CHST10: variants seen among roughly 807,000 people sequenced by gnomAD.
CHST10 encodes the protein HNK-1 sulfotransferase.
In CHST10, 24 loss-of-function variants were observed where a neutral mutation model predicts 34.7. That is an observed-to-expected ratio of 0.69 (90% CI 0.50 to 0.97). The LOEUF (loss-of-function observed/expected upper bound fraction) is 0.97. Among genes scored for constraint, CHST10 ranks in the 50% least tolerant of loss-of-function variants. The pLI is 0.00. For synonymous variants in CHST10, 161 were observed against 169.3 expected (o/e 0.95, Z 0.38); for missense variants, 402 against 452.1 (o/e 0.89, Z 1.00).
intron 3 of CHST10, among the ~76,000 whole-genome samples, chr2:100,406,189 C>G (rs1675564821): frequency 6.6e-6 from 1 of 152,152 alleles, no homozygotes; most frequent in Non-Finnish European, 1.5e-5. Flanking sequence ...GCATGCCAAG[C>G]AGTTGAGGCT....
intron 5 of CHST10, among the ~76,000 whole-genome samples, chr2:100,397,265 T>C (rs1405189450): frequency 6.6e-6 from 1 of 152,268 alleles, no homozygotes; most frequent in Non-Finnish European, 1.5e-5. Flanking sequence ...AAAAGAGTAG[T>C]GAGTAATCAA....
At chr2:100,401,296 C>T (rs17024209) in intron 4 of CHST10, among the ~76,000 whole-genome samples, 19,593 of 152,154 alleles carry the variant, frequency 0.13, 3,399 homozygotes, top group African/African-American at 0.39. Flanking sequence ...AAAAATATAC[C>T]TCAGAGGGCG....
intron 6 of CHST10, among the ~76,000 whole-genome samples, chr2:100,394,233 A>G (rs1377386016): frequency 6.8e-6 from 1 of 146,614 alleles, no homozygotes; most frequent in Non-Finnish European, 1.5e-5. Flanking sequence ...TTGCCAGGGG[A>G]AGGGGGGCAA....
At chr2:100,416,659 C>G (rs1009124476) in intron 1 of CHST10, 2 of 314,914 alleles carry the variant, frequency 6.4e-6, no homozygotes, top group Non-Finnish European at 1.3e-5. Context: ...TCCTCATGGC[C>G]CAAAGCCCCA....
At chr2:100,414,052 T>C (rs1022963276) in intron 2 of CHST10, among the ~76,000 whole-genome samples, 46 of 152,094 alleles carry the variant, frequency 3.0e-4, no homozygotes, top group Non-Finnish European at 2.9e-5. Context: ...TCAATGTATA[T>C]GATCAAGCCA....
At chr2:100,407,499 T>C (rs1357222103) in intron 2 of CHST10, among the ~76,000 whole-genome samples, 1 of 152,190 alleles carries the variant, frequency 6.6e-6, no homozygotes, top group Non-Finnish European at 1.5e-5. Flanking sequence ...GACAAGACCC[T>C]GGGCTGAGCT....
intron 6 of CHST10, 98 bp downstream of exon 6, chr2:100,395,411 T>A: frequency 9.6e-7 from 1 of 1,041,750 alleles, no homozygotes; most frequent in Non-Finnish European, 1.4e-6. Flanking sequence ...GGTCCTCCGA[T>A]CAATCTGCCA....
At chr2:100,408,213 T>G (rs1454913027) in intron 2 of CHST10, 1 of 152,148 alleles carries the variant, frequency 6.6e-6, no homozygotes, top group Non-Finnish European at 1.5e-5. Flanking sequence ...TTTTCTGAAC[T>G]TCACATTTAA....
chr2:100,406,255 C>T (rs533240603), intron 3 of CHST10, among the ~76,000 whole-genome samples: 10 of 152,316 alleles, frequency 6.6e-5, no homozygotes, highest in South Asian at 4.1e-4. Context: ...GCCTGAGAGG[C>T]GCCCTGCTGC....
intron 1 of CHST10, chr2:100,417,016 G>A: frequency 7.7e-6 from 10 of 1,304,246 alleles, no homozygotes; most frequent in Non-Finnish European, 1.0e-5. Context: ...CTTCTTCCCT[G>A]CCTTCCTCTG....
At position 100,393,410 on chromosome 2, in the gene CHST10, CA is replaced by C; in HGVS notation, c.905del (p.Leu302ArgfsTer54). 6.2e-7 allele frequency: 1 copy of C among 1,614,142 alleles called. No individual in the cohort carries two copies. Among genetic ancestry groups the C allele is most frequent in the Non-Finnish European group, 8.5e-7 (1 of 1,180,034 alleles). On this transcript the variant is annotated frameshift_variant, in exon 7 of 7. Transcript: ENST00000264249. LOFTEE classifies it high-confidence loss of function. Reference sequence around the variant, plus strand: ...CCGGAGGGATAGTCGGGTATGACACCAGGTGGTCAATGCCAGCCTCTTTTAA... The same window carrying C: ...CCGGAGGGATAGTCGGGTATGACACCGGTGGTCAATGCCAGCCTCTTTTAA... ...YILKEAGIDH[L>X]VSYPTIPPGI...
chr2:100,414,951 T>C, intron 2 of CHST10, 90 bp downstream of exon 2: 1 of 850,268 alleles, frequency 1.2e-6, no homozygotes, highest in East Asian at 6.5e-5. Flanking sequence ...TAATCAAGAG[T>C]TTACAATCTG....
rs147517942 is a variant in CHST10 at position 100,412,982 on chromosome 2, C to A, written c.-33+2059G>T. Among the ~76,000 whole-genome samples, 37 of 152,280 alleles carry A rather than the reference C, an allele frequency of 2.4e-4. 1 individual carries two copies. The East Asian group carries it at 6.9e-3, about 29-fold the overall frequency. The stretch of plus-strand genomic sequence containing the variant: ...ATTCCAAATTCACTTCACCCCAGCT[C>A]CTCTAAGTCCGCCCCATTCTCTGCA... On this transcript the variant is annotated intron_variant, in intron 2 of 6. Transcript: ENST00000264249.
At chr2:100,397,618 G>A (rs561517979) in intron 5 of CHST10, among the ~76,000 whole-genome samples, 1 of 152,194 alleles carries the variant, frequency 6.6e-6, no homozygotes, top group African/African-American at 2.4e-5. Flanking sequence ...AGACAAAGGA[G>A]GGGGGCCTGG....
In CHST10 at chr2:100,398,664, T is replaced by C. The variant is rs143757226; in HGVS notation, c.193-522A>G. On this transcript the variant is annotated intron_variant, in intron 4 of 6. Coordinates refer to ENST00000264249, the MANE Select transcript of CHST10 (RefSeq NM_004854.5). ...GGTTGCAGTGAGCCTAAGATCGCAC[T>C]ACTGCACTCCAGCCTGGGCGACAGA... Among the ~76,000 whole-genome samples the C allele has an allele frequency of 7.0e-3, 1,066 of 152,194 alleles. 12 individuals carry two copies. Among genetic ancestry groups the C allele is most frequent in the African/African-American group, 0.024 (1,007 of 41,534 alleles).
chr2:100,399,088 A>G (rs1286779062), intron 4 of CHST10, among the ~76,000 whole-genome samples: 8 of 142,904 alleles, frequency 5.6e-5, no homozygotes, highest in African/African-American at 2.0e-4. Context: ...CAGCTGCTAC[A>G]TCTCTCTCTC....
chr2:100,393,676 T>C lies in CHST10; in HGVS notation c.640A>G (p.Arg214Gly). ...VHNPRFEPWY[R>G]HEIAPGIIRK... is the part of the protein sequence containing the mutation. ...ATGATGCCAGGAGCAATCTCATGCC[T>C]GTACCAAGGCTCAAACCGGGGATTG... Residue 214 changes from arginine (R) to glycine (G), a missense_variant, in exon 7 of 7, where the codon AGG becomes GGG. Physicochemically the swap from Arg to Gly is moderately radical, Grantham distance 125. Transcript: ENST00000264249. The C allele has an allele frequency of 2.5e-6, 4 of 1,614,182 alleles. No homozygotes were observed. The highest frequency in any genetic ancestry group is 3.4e-6 in the Non-Finnish European group (4 of 1,180,046).
chr2:100,406,476 T>A, intron 3 of CHST10, 100 bp downstream of exon 3: 3 of 1,425,184 alleles, frequency 2.1e-6, no homozygotes, highest in Admixed American at 2.0e-5. Context: ...ATGAAAGTCC[T>A]TTGACTCTGT....
intron 1 of CHST10, 46 bp downstream of exon 1, chr2:100,417,328 G>A: frequency 2.0e-5 from 7 of 346,742 alleles, no homozygotes; most frequent in South Asian, 1.6e-4. Flanking sequence ...GCGGGGAGAG[G>A]GGCCCAGGCG....
Sources: allele counts gnomAD v4.1 joint callset (sites outside exome capture counted in the v4.1 genomes callset), GRCh38; gene constraint gnomAD v4.1.1; transcripts MANE v1.5; gene names NCBI Gene and HGNC (gene_info 2026-07-23, HGNC 2026-07-21).